The following HNRNPM variants were observed in gnomAD, a reference collection of about 807,000 sequenced individuals.
HNRNPM encodes heterogeneous nuclear ribonucleoprotein M.
In HNRNPM, 11 loss-of-function variants were observed where a neutral mutation model predicts 73.1. The ratio of observed to expected loss-of-function variants is 0.15; its 90% CI spans 0.09 to 0.25. The LOEUF is 0.25. Among genes scored for constraint, HNRNPM ranks in the 10% least tolerant of loss-of-function variants. The pLI, the probability that HNRNPM is intolerant of heterozygous loss-of-function variation, is 1.00. For synonymous variants in HNRNPM, 407 were observed against 355.2 expected, an observed-to-expected ratio of 1.15 and a Z score of -1.64; for missense variants, 789 against 1,067.9, an observed-to-expected ratio of 0.74 and a Z score of 3.64.
rs61362863 is a variant in HNRNPM at position 8,466,828 on chromosome 19, C to CAAAAAAAAA, written c.784+456_784+464dup. Among the ~76,000 whole-genome samples the CAAAAAAAAA allele has an allele frequency of 6.0e-4, 34 of 56,490 alleles. 2 individuals are homozygous for CAAAAAAAAA. Among genetic ancestry groups the CAAAAAAAAA allele is most frequent in the Non-Finnish European group, 7.0e-4 (24 of 34,214 alleles). The allele number at this position is 56,490 out of a possible 152,430, so 37.1% of individuals were successfully genotyped here. ...TGGGTGATAGAGTGAGACTCAGTCT[C>CAAAAAAAAA]AAAAAAAAAAAAAAAAAAAAAAAAG... On this transcript the variant is annotated intron_variant, in intron 7 of 15. Transcript: ENST00000325495.
At position 8,462,596 on chromosome 19, in the gene HNRNPM, G is replaced by T. The variant is rs376775545; in HGVS notation, c.336+15G>T. ...GAAAGTCAAGGGTAAGTGTCTGAGA[G>T]AATTTCTTCTGTGGATTTACTACAT... On this transcript the variant is annotated intron_variant, in intron 3 of 15. Transcript: ENST00000325495. This position sits in a 1 kb window ranked among gnomAD's most constrained non-coding sequence, Gnocchi z 4.5. The T allele has an allele frequency of 3.7e-6, 6 of 1,603,746 alleles. No individual in the cohort carries two copies. In the African/African-American group the frequency reaches 6.7e-5, roughly 18 times the overall value.
At chr19:8,457,915 A>G (rs1372210986) in intron 2 of HNRNPM, among the ~76,000 whole-genome samples, 2 of 152,232 alleles carry the variant, frequency 1.3e-5, no homozygotes, top group African/African-American at 2.4e-5. Flanking sequence ...TCCAAAACAC[A>G]GAGATCTGGG....
chr19:8,448,012 C>T (rs1017562378), intron 1 of HNRNPM, among the ~76,000 whole-genome samples: 11 of 152,100 alleles, frequency 7.2e-5, no homozygotes, highest in Admixed American at 1.3e-4. Flanking sequence ...GGCGACAGAG[C>T]GATACTCCTT....
chr19:8,487,137 C>T (rs771775267), intron 15 of HNRNPM, 62 bp downstream of exon 15: 17 of 1,428,598 alleles, frequency 1.2e-5, no homozygotes, highest in Middle Eastern at 1.7e-4. Context: ...GCAGCCGAGT[C>T]AGCAGCAAAA....
At chr19:8,474,558 C>G (rs997360592) in intron 12 of HNRNPM, among the ~76,000 whole-genome samples, 11 of 152,102 alleles carry the variant, frequency 7.2e-5, no homozygotes, top group Admixed American at 7.2e-4. Context: ...AGTTTGTAAT[C>G]AAGTTTGTCT....
intron 2 of HNRNPM, among the ~76,000 whole-genome samples, chr19:8,459,106 A>G (rs1969221113): frequency 6.6e-6 from 1 of 152,094 alleles, no homozygotes; most frequent in African/African-American, 2.4e-5. Flanking sequence ...TTGTATTTTT[A>G]GTAAGAGATG....
At chr19:8,477,486 C>T (rs1314879821) in intron 12 of HNRNPM, among the ~76,000 whole-genome samples, 2 of 151,984 alleles carry the variant, frequency 1.3e-5, no homozygotes, top group Non-Finnish European at 2.9e-5. Flanking sequence ...AGTGAGACCT[C>T]CTCTCTACAA....
chr19:8,461,749 AGAAAGC>A (rs1332530829), intron 2 of HNRNPM, among the ~76,000 whole-genome samples: 1 of 138,090 alleles, frequency 7.2e-6, no homozygotes, highest in Non-Finnish European at 1.7e-5. Context: ...GGGGAGGTTT[AGAAAGC>A]GGCAAGAATG....
intron 1 of HNRNPM, among the ~76,000 whole-genome samples, chr19:8,451,197 G>A (rs993022137): frequency 6.6e-6 from 1 of 151,774 alleles, no homozygotes; most frequent in African/African-American, 2.4e-5. Context: ...GTGAGCCACC[G>A]TGCCTGGCCT....
rs780616674 is a variant in HNRNPM at position 8,462,632 on chromosome 19, A to C, written c.336+51A>C. 7.1e-7 allele frequency: 1 copy of C among 1,400,540 alleles called. No individual in the cohort carries two copies. The highest frequency in any genetic ancestry group is 1.0e-6 in the Non-Finnish European group (1 of 985,086). The allele number at this position is 1,400,540 out of a possible 1,614,324, so 86.8% of individuals were successfully genotyped here. A position where few individuals can be genotyped will look rare whatever the true frequency, so the allele number is the denominator to read the frequency against. Reference sequence around the variant, plus strand: ...GTGGATTTACTACATGAAAAATGTAACTGTATGGTGGCGTGGAATCGAATG... The same window carrying C: ...GTGGATTTACTACATGAAAAATGTACCTGTATGGTGGCGTGGAATCGAATG... On this transcript the variant is annotated intron_variant, in intron 3 of 15. Coordinates refer to ENST00000325495, the MANE Select transcript of HNRNPM (RefSeq NM_005968.5). The surrounding 1 kb of genome is among the most constrained non-coding windows in gnomAD (Gnocchi z 4.5).
Position 8,445,057 on chromosome 19 carries a change from A to C in HNRNPM, c.59A>C (p.Glu20Ala), listed in dbSNP as rs369658326. ...GCGGCGACGGAGATCAAAATGGAGG[A>C]AGAGAGCGGCGCGCCCGGCGTGCCG... is the stretch of plus-strand genomic sequence containing the variant. ...EVAATEIKME[E>A]ESGAPGVPSG... is the part of the protein sequence containing the mutation. The change falls in exon 1 of 16, where the codon GAA becomes GCA. Residue 20 changes from glutamate (E) to alanine (A), a missense_variant. Around this residue, in one of 4 missense-constraint regions of HNRNPM, gnomAD observed 79 missense variants for 70.7 expected, o/e 1.12. Coordinates refer to ENST00000325495, the MANE Select transcript of HNRNPM (RefSeq NM_005968.5). 4 of 1,428,176 alleles carry C rather than the reference A, an allele frequency of 2.8e-6. No homozygotes were observed. Among genetic ancestry groups the C allele is most frequent in the Non-Finnish European group, 3.7e-6 (4 of 1,093,904 alleles). 88.5% of individuals were successfully genotyped at this position (1,428,176 alleles called of 1,614,324 possible). A position where few individuals can be genotyped will look rare whatever the true frequency, so the allele number is the denominator to read the frequency against.
intron 12 of HNRNPM, 77 bp downstream of exon 12, chr19:8,474,321 AC>A: frequency 1.1e-6 from 1 of 914,194 alleles, no homozygotes; most frequent in Non-Finnish European, 1.6e-6. Context: ...TAGGCTGCAG[AC>A]CCACTGAATA....
At chr19:8,451,535 CCCCT>C (rs1968624985) in intron 1 of HNRNPM, among the ~76,000 whole-genome samples, 1 of 151,968 alleles carries the variant, frequency 6.6e-6, no homozygotes, top group Non-Finnish European at 1.5e-5. Context: ...CCCTCCCCTT[CCCCT>C]TCCCCTTCCC....
intron 12 of HNRNPM, 97 bp downstream of exon 12, chr19:8,474,341 C>T (rs1282959131): frequency 1.5e-6 from 1 of 686,210 alleles, no homozygotes; most frequent in East Asian, 3.0e-5. Context: ...TAAGTGGTTT[C>T]TCACTTCTGC....
rs1422043715 is a variant in HNRNPM at position 8,463,481 on chromosome 19, C to A, written c.337-16C>A. The A allele has an allele frequency of 6.2e-7, 1 of 1,613,716 alleles. No homozygotes were observed. Among genetic ancestry groups the A allele is most frequent in the Admixed American group, 1.7e-5 (1 of 59,996 alleles). On this transcript the variant is annotated splice_polypyrimidine_tract_variant and intron_variant, in intron 3 of 15. Transcript: ENST00000325495. ...CCTTCCTTGCTCTTCTGACTGGTCT[C>A]TGGCTTCCTCCAAAGGGATGTGCGT... is the stretch of plus-strand genomic sequence containing the variant.
Position 8,469,221 on chromosome 19 carries a change from G to A in HNRNPM, c.895+387G>A, listed in dbSNP as rs114144355. ...TCTGCACAGAAATTCGCACGCAGAT[G>A]TTTGCAGCAGGATGAAAGACACATG... On this transcript the variant is annotated intron_variant, in intron 9 of 15. Coordinates refer to ENST00000325495, the MANE Select transcript of HNRNPM (RefSeq NM_005968.5). 2.5e-3 allele frequency among the ~76,000 whole-genome samples: 376 copies of A among 152,318 alleles called. 1 individual carries two copies. The highest frequency in any genetic ancestry group is 8.8e-3 in the African/African-American group (367 of 41,564).
Position 8,471,311 on chromosome 19 carries a change from C to A in HNRNPM, c.896-15C>A, listed in dbSNP as rs1970120067. On this transcript the variant is annotated splice_polypyrimidine_tract_variant and intron_variant, in intron 9 of 15. Coordinates refer to ENST00000325495, the MANE Select transcript of HNRNPM (RefSeq NM_005968.5). ...AAATAGGGGAAAACTAAGCTTCTTT[C>A]TCTTTTCTTTCCAGATGGCCTTGGT... 2 of 1,514,580 alleles carry A rather than the reference C, an allele frequency of 1.3e-6. No homozygotes were observed. The highest frequency in any genetic ancestry group is 1.8e-6 in the Non-Finnish European group (2 of 1,117,116). 93.8% of individuals were successfully genotyped at this position (1,514,580 alleles called of 1,614,324 possible). A position where few individuals can be genotyped will look rare whatever the true frequency, so the allele number is the denominator to read the frequency against.
intron 1 of HNRNPM, among the ~76,000 whole-genome samples, chr19:8,445,751 C>T (rs896584883): frequency 6.6e-6 from 1 of 152,248 alleles, no homozygotes; most frequent in Non-Finnish European, 1.5e-5. Flanking sequence ...AAGTCCCTCG[C>T]CGTTTCCCGC....
chr19:8,458,749 A>T (rs76558300), intron 2 of HNRNPM, among the ~76,000 whole-genome samples: 1 of 152,206 alleles, frequency 6.6e-6, no homozygotes, highest in Admixed American at 6.5e-5. Context: ...GTAAATTTCA[A>T]ATTGCATCTG....
Sources: gnomAD v4.1 joint callset for allele counts (sites outside exome capture counted in the v4.1 genomes callset) on GRCh38, gnomAD v4.1.1 for gene constraint, gnomAD v4.1.1 regional missense constraint, Gnocchi (gnomAD v3.1) non-coding constraint, MANE v1.5 for transcripts, NCBI Gene and HGNC (gene_info 2026-07-23, HGNC 2026-07-21) for gene names.